ZFAND6: variants seen among roughly 807,000 people sequenced by gnomAD.
ZFAND6 encodes the protein zinc finger AN1-type containing 6, also known as AN1-type zinc finger protein 6.
Under a neutral mutation model 24.5 loss-of-function variants are expected in ZFAND6, and 12 were observed. That is an observed-to-expected ratio of 0.49 (90% confidence interval 0.31 to 0.79). The LOEUF (loss-of-function observed/expected upper bound fraction) is 0.79, where lower values mean the gene tolerates loss of function less well. ZFAND6 is among the 30% of genes least tolerant of loss of function. The probability of loss-of-function intolerance (pLI) is 0.04; values close to 1 mark genes in which losing one functional copy is unlikely to be tolerated. For synonymous variants in ZFAND6, 92 were observed against 81.5 expected (o/e 1.13, Z -0.69); for missense variants, 207 against 245.9 (o/e 0.84, Z 1.06).
intron 1 of ZFAND6, among the ~76,000 whole-genome samples, chr15:80,064,066 G>T (rs2036478991): frequency 6.6e-6 from 1 of 152,152 alleles, no homozygotes; most frequent in African/African-American, 2.4e-5. Flanking sequence ...TCTTATAAAA[G>T]TACTATAACC....
chr15:80,092,583 G>T (rs1596245214), intron 1 of ZFAND6, among the ~76,000 whole-genome samples: 1 of 152,120 alleles, frequency 6.6e-6, no homozygotes, highest in East Asian at 1.9e-4. Context: ...GTAAGAGAGA[G>T]GGGGGAAAGT....
upstream of ZFAND6, among the ~76,000 whole-genome samples, chr15:80,059,408 G>C (rs1223282243): frequency 6.6e-6 from 1 of 152,238 alleles, no homozygotes; most frequent in East Asian, 1.9e-4. Flanking sequence ...GCCCCAGAGA[G>C]GGCAGTGGAG....
intron 1 of ZFAND6, among the ~76,000 whole-genome samples, chr15:80,062,252 A>G (rs2036375563): frequency 6.6e-6 from 1 of 152,230 alleles, no homozygotes; most frequent in South Asian, 2.1e-4. Flanking sequence ...ACTTTAATTA[A>G]GGAAAACACC....
chr15:80,084,398 C>CA (rs1278654606), intron 1 of ZFAND6, among the ~76,000 whole-genome samples: 3 of 152,060 alleles, frequency 2.0e-5, no homozygotes, highest in African/African-American at 7.2e-5. Context: ...TTCCAAAATA[C>CA]AAAAAAATTT....
At chr15:80,112,178 T>C (rs2039642410) in intron 2 of ZFAND6, among the ~76,000 whole-genome samples, 1 of 152,052 alleles carries the variant, frequency 6.6e-6, no homozygotes, top group Admixed American at 6.5e-5. Flanking sequence ...GAGAATTGCT[T>C]GAACCTGGGA....
intron 1 of ZFAND6, among the ~76,000 whole-genome samples, chr15:80,077,559 G>A (rs958836387): frequency 1.3e-5 from 2 of 152,002 alleles, no homozygotes; most frequent in African/African-American, 4.8e-5. Context: ...TGAAACTTTT[G>A]AAATACAGGT....
intron 1 of ZFAND6, among the ~76,000 whole-genome samples, chr15:80,093,255 A>G (rs1416925013): frequency 6.6e-6 from 1 of 151,770 alleles, no homozygotes; most frequent in Middle Eastern, 3.2e-3. Flanking sequence ...GTGAGCCACC[A>G]TGCCCAGGCA....
chr15:80,109,160 C>T (rs981147885), intron 2 of ZFAND6, among the ~76,000 whole-genome samples: 1 of 152,082 alleles, frequency 6.6e-6, no homozygotes, highest in Admixed American at 6.5e-5. Context: ...GGGATAAATC[C>T]TTGGCTACTA....
Position 80,137,634 on chromosome 15 carries a change from T to C in ZFAND6, c.*6T>C. 7 of 1,566,556 alleles carry C rather than the reference T, an allele frequency of 4.5e-6. No homozygotes were observed. Among genetic ancestry groups the C allele is most frequent in the Non-Finnish European group, 6.0e-6 (7 of 1,164,156 alleles). On this transcript the variant is annotated 3_prime_UTR_variant, in exon 7 of 7. Transcript: ENST00000261749. ...AAAAGATCCAAAAGATTTGAACTCC[T>C]GCTGGAATACAAAATTCTTGAGCAT...
At chr15:80,060,312 T>G (rs994757217) in intron 1 of ZFAND6, 3 of 152,152 alleles carry the variant, frequency 2.0e-5, no homozygotes, top group Non-Finnish European at 4.4e-5. Flanking sequence ...CAGCCCGGTG[T>G]CTCCAACTCC....
chr15:80,083,988 C>T (rs960333539), intron 1 of ZFAND6, among the ~76,000 whole-genome samples: 4 of 152,096 alleles, frequency 2.6e-5, no homozygotes, highest in Non-Finnish European at 4.4e-5. Flanking sequence ...TGATTTGGGG[C>T]GTGGTCTGAT....
At chr15:80,066,095 C>T (rs1038959944) in intron 1 of ZFAND6, among the ~76,000 whole-genome samples, 1 of 152,098 alleles carries the variant, frequency 6.6e-6, no homozygotes, top group Non-Finnish European at 1.5e-5. Flanking sequence ...CAACTATGTA[C>T]AAGACAAGGT....
At chr15:80,119,530 T>A (rs1019099027) in intron 2 of ZFAND6, among the ~76,000 whole-genome samples, 3 of 152,132 alleles carry the variant, frequency 2.0e-5, no homozygotes, top group Admixed American at 6.5e-5. Context: ...CAAAAAATAT[T>A]CTAAAATATT....
chr15:80,136,224 C>T (rs796608141), intron 6 of ZFAND6, among the ~76,000 whole-genome samples: 37 of 151,940 alleles, frequency 2.4e-4, no homozygotes, highest in African/African-American at 8.4e-4. Context: ...CCCAGCACTT[C>T]GGGAGGCCTA....
intron 5 of ZFAND6, among the ~76,000 whole-genome samples, chr15:80,129,259 G>T (rs142317791): frequency 6.6e-6 from 1 of 152,188 alleles, no homozygotes; most frequent in African/African-American, 2.4e-5. Flanking sequence ...TTCAAAAATA[G>T]TATGTTCACA....
intron 1 of ZFAND6, chr15:80,060,323 T>G (rs2036261573): frequency 6.6e-6 from 1 of 152,190 alleles, no homozygotes; most frequent in Non-Finnish European, 1.5e-5. Flanking sequence ...CTCCAACTCC[T>G]GACTGGCACC....
At chr15:80,113,654 C>T (rs10519281) in intron 2 of ZFAND6, among the ~76,000 whole-genome samples, 12,997 of 152,040 alleles carry the variant, frequency 0.085, 625 homozygotes, top group East Asian at 0.19. Flanking sequence ...AGAATATAGC[C>T]GTTTTTTGCC....
chr15:80,093,201 G>T (rs1055206946), intron 1 of ZFAND6, among the ~76,000 whole-genome samples: 1 of 151,636 alleles, frequency 6.6e-6, no homozygotes, highest in African/African-American at 2.4e-5. Flanking sequence ...TCCTGACCTC[G>T]TGATCCGCCT....
At chr15:80,087,988 G>GTA (rs2038106719) in intron 1 of ZFAND6, among the ~76,000 whole-genome samples, 1 of 152,116 alleles carries the variant, frequency 6.6e-6, no homozygotes, top group Non-Finnish European at 1.5e-5. Context: ...ACATACTTCA[G>GTA]TATATATTTC....
Sources: gnomAD v4.1 joint callset for allele counts (sites outside exome capture counted in the v4.1 genomes callset) on GRCh38, gnomAD v4.1.1 for gene constraint, MANE v1.5 for transcripts, NCBI Gene and HGNC (gene_info 2026-07-23, HGNC 2026-07-21) for gene names.